The following ERRFI1 variants were observed in gnomAD, a reference collection of about 807,000 sequenced individuals.
ERRFI1 encodes ERBB receptor feedback inhibitor 1.
A neutral mutation model predicts 14.6 loss-of-function variants in ERRFI1; 12 were observed. The ratio of observed to expected loss-of-function variants is 0.82; its 90% CI spans 0.53 to 1.33. The LOEUF (loss-of-function observed/expected upper bound fraction) is 1.33. ERRFI1 is among the 40% of genes most tolerant of loss of function. ERRFI1 has a pLI of 0.00. For synonymous variants in ERRFI1, 202 were observed against 209.9 expected, an observed-to-expected ratio of 0.96 and a Z score of 0.32; for missense variants, 482 against 572.1, an observed-to-expected ratio of 0.84 and a Z score of 1.61.
At position 8,012,990 on chromosome 1, in the gene ERRFI1, T is replaced by G. The variant is rs1033072286; in HGVS notation, c.*220A>C. ...ATCCTCCCCTCCCCACCATCACATCTTTAAATTATAGACTTGTAAGACTTT... is the reference window on the plus strand; with the variant it reads ...ATCCTCCCCTCCCCACCATCACATCGTTAAATTATAGACTTGTAAGACTTT... On this transcript the variant is annotated 3_prime_UTR_variant, in exon 4 of 4. Transcript: ENST00000377482. 1 of 535,312 alleles carries G rather than the reference T, an allele frequency of 1.9e-6. No individual in the cohort carries two copies. The highest frequency in any genetic ancestry group is 2.9e-5 in the South Asian group (1 of 34,914). 33.2% of individuals were successfully genotyped at this position (535,312 alleles called of 1,614,324 possible). A position where few individuals can be genotyped will look rare whatever the true frequency, so the allele number is the denominator to read the frequency against.
At chr1:8,023,754 T>C (rs908309462) in intron 1 of ERRFI1, among the ~76,000 whole-genome samples, 6 of 152,184 alleles carry the variant, frequency 3.9e-5, no homozygotes, top group African/African-American at 1.4e-4. Context: ...CTTTTCCCTA[T>C]CTTAAAACTA....
At position 8,017,523 on chromosome 1, in the gene ERRFI1, T is replaced by C. The variant is rs373972459; in HGVS notation, c.-73-1831A>G. 1.8e-4 allele frequency among the ~76,000 whole-genome samples: 27 copies of C among 152,280 alleles called. No homozygotes were observed. In the South Asian group the frequency reaches 5.6e-3, roughly 32 times the overall value. On this transcript the variant is annotated intron_variant, in intron 1 of 3. Transcript: ENST00000377482. ...TATCTACCATCAAGCTATAAAAAAT[T>C]TAGAAACCAATTTAAAAATACTGCT...
intron 1 of ERRFI1, among the ~76,000 whole-genome samples, chr1:8,016,412 G>A (rs550877118): frequency 6.6e-6 from 1 of 152,322 alleles, no homozygotes; most frequent in South Asian, 2.1e-4. Context: ...TTAAAGACAA[G>A]TTAAAGGTAC....
At position 8,013,127 on chromosome 1, in the gene ERRFI1, AT is replaced by A. The variant is rs1306277809; in HGVS notation, c.*82del. On this transcript the variant is annotated 3_prime_UTR_variant, in exon 4 of 4. Transcript: ENST00000377482. This position sits in a 1 kb window ranked among gnomAD's most constrained non-coding sequence, Gnocchi z 4.3. ...ACTATTTTATTTTGCAATCTAAGGG[AT>A]TTTTCTCTGCACTTCAATCAAACTG... is the stretch of plus-strand genomic sequence containing the variant. The A allele has an allele frequency of 4.9e-6, 6 of 1,224,168 alleles. No individual in the cohort carries two copies. The African/African-American group carries it at 9.1e-5, about 19-fold the overall frequency. 75.8% of individuals were successfully genotyped at this position (1,224,168 alleles called of 1,614,324 possible).
rs2124059718 is a variant in ERRFI1, at chr1:8,014,020, A to G, written c.579T>C (p.Tyr193=). Residue 193 remains tyrosine (Y), a synonymous_variant, in exon 4 of 4, where the codon TAT becomes TAC. Transcript: ENST00000377482. ...LEDSTLSDFK[Y]DVPGRRSFRG... ...GGAAGCTTCGCCTGCCAGGAACATCATATTTGAAATCAGAAAGTGTAGAGT... is the reference window on the plus strand; with the variant it reads ...GGAAGCTTCGCCTGCCAGGAACATCGTATTTGAAATCAGAAAGTGTAGAGT... 1.2e-6 allele frequency: 2 copies of G among 1,614,142 alleles called. No homozygotes were observed. Among genetic ancestry groups the G allele is most frequent in the Middle Eastern group, 1.6e-4 (1 of 6,062 alleles).
At chr1:8,022,161 TCAAA>T (rs1307841509) in intron 1 of ERRFI1, among the ~76,000 whole-genome samples, 11 of 152,164 alleles carry the variant, frequency 7.2e-5, no homozygotes, top group Non-Finnish European at 1.5e-5. Context: ...TATTACCACT[TCAAA>T]CAACTATTTT....
chr1:8,013,998 A>C lies in ERRFI1; in HGVS notation c.601T>G (p.Phe201Val). The change falls in exon 4 of 4, where the codon TTC (phenylalanine) becomes GTC (valine). Residue 201 changes from phenylalanine to valine, a missense_variant. Coordinates refer to ENST00000377482, the MANE Select transcript of ERRFI1 (RefSeq NM_018948.4). This position sits in a 1 kb window ranked among gnomAD's most constrained non-coding sequence, Gnocchi z 4.3. ...TAGTTGATTTGTCCACACCCACGGA[A>C]GCTTCGCCTGCCAGGAACATCATAT... Reference protein sequence around the residue: ...FKYDVPGRRSFRGCGQINYAY... With the variant: ...FKYDVPGRRSVRGCGQINYAY... 6.2e-7 allele frequency: 1 copy of C among 1,614,190 alleles called. No homozygotes were observed. The highest frequency in any genetic ancestry group is 1.1e-5 in the South Asian group (1 of 91,088).
chr1:8,012,045 CG>C lies in ERRFI1; in HGVS notation c.*1164del, dbSNP rs1340671694. 35 of 230,200 alleles carry C rather than the reference CG, an allele frequency of 1.5e-4. No homozygotes were observed. The Admixed American group carries it at 1.6e-3, about 11-fold the overall frequency. The allele number at this position is 230,200 out of a possible 1,614,324, so 14.3% of individuals were successfully genotyped here. A position where few individuals can be genotyped will look rare whatever the true frequency, so the allele number is the denominator to read the frequency against. ...TAAATACATGGAAGGATGTGAAAAT[CG>C]GAACACCAACTATGTGTCTCACTGC... is the stretch of plus-strand genomic sequence containing the variant. On this transcript the variant is annotated 3_prime_UTR_variant, in exon 4 of 4. Transcript: ENST00000377482.
In ERRFI1 at chr1:8,013,175, C is replaced by T; in HGVS notation, c.*35G>A. On this transcript the variant is annotated 3_prime_UTR_variant, in exon 4 of 4. Transcript: ENST00000377482. The surrounding 1 kb of genome is among the most constrained non-coding windows in gnomAD (Gnocchi z 4.3). ...ACTGGAAAATTGAGAACCATTTGCT[C>T]CTATGTAACCTCTGCTGAACCATGA... is the stretch of plus-strand genomic sequence containing the variant. 1 of 1,525,204 alleles carries T rather than the reference C, an allele frequency of 6.6e-7. No homozygotes were observed. Among genetic ancestry groups the T allele is most frequent in the Non-Finnish European group, 8.8e-7 (1 of 1,132,672 alleles). The allele number at this position is 1,525,204 out of a possible 1,614,324, so 94.5% of individuals were successfully genotyped here.
At chr1:8,015,231 T>C in intron 3 of ERRFI1, 77 bp downstream of exon 3, 1 of 1,292,466 alleles carries the variant, frequency 7.7e-7, no homozygotes, top group Non-Finnish European at 1.1e-6. Flanking sequence ...TAAAAAATAA[T>C]GCTGGAGGAC....
chr1:8,017,549 A>T (rs1344073152), intron 1 of ERRFI1, among the ~76,000 whole-genome samples: 3 of 152,252 alleles, frequency 2.0e-5, no homozygotes, highest in Non-Finnish European at 4.4e-5. Flanking sequence ...AAATACTGCT[A>T]GCCTCTCCCT....
chr1:8,025,315 C>T (rs550070065), intron 1 of ERRFI1, among the ~76,000 whole-genome samples: 12 of 152,294 alleles, frequency 7.9e-5, no homozygotes, highest in Middle Eastern at 3.4e-3. Flanking sequence ...TTGTACAGGG[C>T]TATGATATAC....
Position 8,021,869 on chromosome 1 carries a change from T to C in ERRFI1, c.-74+4289A>G, listed in dbSNP as rs546711119. Among the ~76,000 whole-genome samples, 4 of 152,340 alleles carry C rather than the reference T, an allele frequency of 2.6e-5. No homozygotes were observed. The East Asian group carries it at 5.8e-4, about 22-fold the overall frequency. ...CTTCAACTAGACAGCCCGGCCTCAGTGTCCAGGCCCTTCACCAACACACCA... is the reference window on the plus strand; with the variant it reads ...CTTCAACTAGACAGCCCGGCCTCAGCGTCCAGGCCCTTCACCAACACACCA... On this transcript the variant is annotated intron_variant, in intron 1 of 3. Coordinates refer to ENST00000377482, the MANE Select transcript of ERRFI1 (RefSeq NM_018948.4).
rs1641155934 is a variant in ERRFI1, at chr1:8,015,246, T to A, written c.202+62A>T. 5 of 1,474,666 alleles carry A rather than the reference T, an allele frequency of 3.4e-6. No individual in the cohort carries two copies. The South Asian group carries it at 4.6e-5, about 13-fold the overall frequency. 91.3% of individuals were successfully genotyped at this position (1,474,666 alleles called of 1,614,324 possible). Reference sequence around the variant, plus strand: ...TAAAAAATAATGCTGGAGGACAAGCTAACCCGAATCCAGACTGTTCTTCTC... The same window carrying A: ...TAAAAAATAATGCTGGAGGACAAGCAAACCCGAATCCAGACTGTTCTTCTC... On this transcript the variant is annotated intron_variant, in intron 3 of 3. Transcript: ENST00000377482.
intron 1 of ERRFI1, among the ~76,000 whole-genome samples, chr1:8,019,447 T>C (rs1641246412): frequency 6.6e-6 from 1 of 152,186 alleles, no homozygotes; most frequent in Non-Finnish European, 1.5e-5. Context: ...TCTGTTCTTG[T>C]GTTATTTTGT....
At chr1:8,014,591 T>C in intron 3 of ERRFI1, 195 bp from the exon 4 acceptor site, 1 of 575,036 alleles carries the variant, frequency 1.7e-6, no homozygotes, top group Admixed American at 3.5e-5. Context: ...GCACATGGTG[T>C]GGTTCAAAGA....
Position 8,014,217 on chromosome 1 carries a change from G to C in ERRFI1, c.382C>G (p.Pro128Ala), listed in dbSNP as rs2124061959. The change falls in exon 4 of 4, where the codon CCT becomes GCT. Residue 128 changes from proline to alanine, a missense_variant. By Grantham distance (27) the Pro-to-Ala change is conservative. Coordinates refer to ENST00000377482, the MANE Select transcript of ERRFI1 (RefSeq NM_018948.4). Reference sequence around the variant, plus strand: ...GAGTTTTTTATGGGTGTCAGTGGAGGGGTGGAAGCACAAACCCCATTCACT... The same window carrying C: ...GAGTTTTTTATGGGTGTCAGTGGAGCGGTGGAAGCACAAACCCCATTCACT... Reference protein sequence around the residue: ...LTVNGVCASTPPLTPIKNSPS... With the variant: ...LTVNGVCASTAPLTPIKNSPS... 1 of 1,614,078 alleles carries C rather than the reference G, an allele frequency of 6.2e-7. No individual in the cohort carries two copies. The highest frequency in any genetic ancestry group is 8.5e-7 in the Non-Finnish European group (1 of 1,180,014).
rs1192615072 is a variant in ERRFI1, at chr1:8,013,953, C to T, written c.646G>A (p.Ala216Thr). 4 of 1,614,068 alleles carry T rather than the reference C, an allele frequency of 2.5e-6. No homozygotes were observed. In the African/African-American group the frequency reaches 5.3e-5, roughly 22 times the overall value. Residue 216 changes from alanine (A) to threonine (T), a missense_variant, in exon 4 of 4, where the codon GCT becomes ACT. Transcript: ENST00000377482. The surrounding 1 kb of genome is among the most constrained non-coding windows in gnomAD (Gnocchi z 4.3). ...QINYAYFDTP[A>T]VSAADLSYVS... ...TAGCTGAGATCTGCTGCAGAAACAGCTGGGGTATCAAAATATGCATAGTTG... is the reference window on the plus strand; with the variant it reads ...TAGCTGAGATCTGCTGCAGAAACAGTTGGGGTATCAAAATATGCATAGTTG...
Position 8,014,311 on chromosome 1 carries a change from A to G in ERRFI1, c.288T>C (p.Leu96=), listed in dbSNP as rs372064468. The change falls in exon 4 of 4, where the codon CTT becomes CTC. Residue 96 remains leucine, a synonymous_variant. Coordinates refer to ENST00000377482, the MANE Select transcript of ERRFI1 (RefSeq NM_018948.4). Reference sequence around the variant, plus strand: ...GTCCCAAGTTTTCACTTGGGGGAATAAGAAGAGGGGGCAAGCTGGACTTTT... The same window carrying G: ...GTCCCAAGTTTTCACTTGGGGGAATGAGAAGAGGGGGCAAGCTGGACTTTT... ...PSQKSSLPPL[L]IPPSENLGPH... is the part of the protein sequence containing the mutation. 1 of 1,613,722 alleles carries G rather than the reference A, an allele frequency of 6.2e-7. No individual in the cohort carries two copies. Among genetic ancestry groups the G allele is most frequent in the Non-Finnish European group, 8.5e-7 (1 of 1,179,846 alleles).
Sources: gnomAD v4.1 joint callset for allele counts (sites outside exome capture counted in the v4.1 genomes callset) on GRCh38, gnomAD v4.1.1 for gene constraint, Gnocchi (gnomAD v3.1) non-coding constraint, MANE v1.5 for transcripts, NCBI Gene and HGNC (gene_info 2026-07-23, HGNC 2026-07-21) for gene names.